Variants in MAN1A1 observed in about 807,000 individuals in gnomAD.
MAN1A1 encodes the protein mannosidase alpha class 1A member 1.
In MAN1A1, 29 loss-of-function variants were observed where a neutral mutation model predicts 70.8. The ratio of observed to expected loss-of-function variants is 0.41; its 90% CI spans 0.31 to 0.56. MAN1A1 has a LOEUF of 0.56. Among genes scored for constraint, MAN1A1 ranks in the 20% least tolerant of loss-of-function variants. MAN1A1 has a pLI of 0.29. For missense variants in MAN1A1, 747 were observed against 841.3 expected (o/e 0.89, Z 1.39); for synonymous variants, 349 against 330.1 (o/e 1.06, Z -0.62).
chr6:119,290,769 GAA>G lies in MAN1A1; in HGVS notation c.817-8_817-7del, dbSNP rs113131653. 6.6e-7 allele frequency: 1 copy of G among 1,504,688 alleles called. No homozygotes were observed. The highest frequency in any genetic ancestry group is 9.1e-7 in the Non-Finnish European group (1 of 1,103,472). The allele number at this position is 1,504,688 out of a possible 1,614,324, so 93.2% of individuals were successfully genotyped here. A position where few individuals can be genotyped will look rare whatever the true frequency, so the allele number is the denominator to read the frequency against. Reference sequence around the variant, plus strand: ...AAGACAGAAATTTCAGCATTCTATGGAAAAAAAAAATTCAAACATGATGATAG... The same window carrying G: ...AAGACAGAAATTTCAGCATTCTATGGAAAAAAAATTCAAACATGATGATAG... On this transcript the variant is annotated splice_region_variant and splice_polypyrimidine_tract_variant and intron_variant, in intron 4 of 12. Transcript: ENST00000368468.
intron 5 of MAN1A1, among the ~76,000 whole-genome samples, chr6:119,268,351 G>C (rs1439865779): frequency 6.6e-6 from 1 of 152,100 alleles, no homozygotes; most frequent in African/African-American, 2.4e-5. Context: ...GGGCTACCCT[G>C]TAACGCCCTG....
chr6:119,235,336 C>A (rs1440495849), intron 6 of MAN1A1, among the ~76,000 whole-genome samples: 1 of 152,222 alleles, frequency 6.6e-6, no homozygotes, highest in Non-Finnish European at 1.5e-5. Context: ...CCAGCGAAAT[C>A]ATGAATGATA....
At chr6:119,336,669 C>T (rs2114501585) in intron 2 of MAN1A1, among the ~76,000 whole-genome samples, 1 of 152,196 alleles carries the variant, frequency 6.6e-6, no homozygotes, top group African/African-American at 2.4e-5. Flanking sequence ...AATATCACAC[C>T]TTCTTAGGGA....
At position 119,348,758 on chromosome 6, in the gene MAN1A1, C is replaced by T. The variant is rs1268133792; in HGVS notation, c.308G>A (p.Arg103Gln). Residue 103 changes from arginine to glutamine, a missense_variant, in exon 2 of 13, where the codon CGG (arginine) becomes CAG (glutamine). Arg to Gln is a conservative substitution (Grantham distance 43). Coordinates refer to ENST00000368468, the MANE Select transcript of MAN1A1 (RefSeq NM_005907.4). ...CCCGGGTGCCCCCTCCTCGCGGCGC[C>T]GGGCTCGCCCCTCGGCCGCGTCCTC... Reference protein sequence around the residue: ...RAEDAAEGRARRREEGAPGDP... With the variant: ...RAEDAAEGRAQRREEGAPGDP... 74 of 1,545,106 alleles carry T rather than the reference C, an allele frequency of 4.8e-5. No individual in the cohort carries two copies. Among genetic ancestry groups the T allele is most frequent in the Non-Finnish European group, 6.3e-5 (72 of 1,149,390 alleles).
chr6:119,289,708 A>G (rs1277309520), intron 5 of MAN1A1, among the ~76,000 whole-genome samples: 1 of 151,964 alleles, frequency 6.6e-6, no homozygotes, highest in East Asian at 1.9e-4. Context: ...ACAGAGAGGA[A>G]ATGTAAGATT....
intron 7 of MAN1A1, among the ~76,000 whole-genome samples, chr6:119,202,741 T>C (rs553548304): frequency 6.6e-6 from 1 of 152,300 alleles, no homozygotes; most frequent in Admixed American, 6.5e-5. Context: ...CTGTCACATA[T>C]GTGGTCCACT....
At chr6:119,228,759 GTTATAA>G (rs1582715211) in intron 6 of MAN1A1, among the ~76,000 whole-genome samples, 2 of 152,110 alleles carry the variant, frequency 1.3e-5, no homozygotes, top group East Asian at 3.9e-4. Context: ...AAAATAAATA[GTTATAA>G]TTATAGTATG....
chr6:119,230,988 T>C (rs1774659638), intron 6 of MAN1A1, among the ~76,000 whole-genome samples: 1 of 152,154 alleles, frequency 6.6e-6, no homozygotes, highest in African/African-American at 2.4e-5. Flanking sequence ...GATGATGACA[T>C]CTTTCACAGA....
Position 119,302,001 on chromosome 6 carries a change from A to G in MAN1A1, c.803T>C (p.Leu268Ser). Residue 268 changes from leucine (L) to serine (S), a missense_variant, in exon 4 of 13, where the codon TTA becomes TCA. Leu to Ser is a moderately radical substitution (Grantham distance 145, BLOSUM62 -2). Transcript: ENST00000368468. ...TATTTAACTTACCACATTAAAATCT[A>G]AATTTTCTTCAACCCATGATTTTGC... Reference protein sequence around the residue: ...EEAKSWVEENLDFNVNAEISV... With the variant: ...EEAKSWVEENSDFNVNAEISV... 1 of 1,561,866 alleles carries G rather than the reference A, an allele frequency of 6.4e-7. No homozygotes were observed. The highest frequency in any genetic ancestry group is 8.8e-7 in the Non-Finnish European group (1 of 1,134,870).
At position 119,348,685 on chromosome 6, in the gene MAN1A1, G is replaced by A. The variant is rs751185135; in HGVS notation, c.381C>T (p.Asn127=). The change falls in exon 2 of 13, where the codon AAC becomes AAT. Residue 127 remains asparagine, a synonymous_variant. Coordinates refer to ENST00000368468, the MANE Select transcript of MAN1A1 (RefSeq NM_005907.4). ...LEDNLARIRE[N]HERALREAKE... Reference sequence around the variant, plus strand: ...TGGCTTCCCTGAGAGCCCGCTCGTGGTTTTCGCGGATCCTGGCCAAGTTGT... The same window carrying A: ...TGGCTTCCCTGAGAGCCCGCTCGTGATTTTCGCGGATCCTGGCCAAGTTGT... 6.2e-7 allele frequency: 1 copy of A among 1,610,748 alleles called. No individual in the cohort carries two copies. Among genetic ancestry groups the A allele is most frequent in the Non-Finnish European group, 8.5e-7 (1 of 1,178,736 alleles).
chr6:119,311,044 ACT>A (rs1352848411), intron 2 of MAN1A1, among the ~76,000 whole-genome samples: 12 of 152,222 alleles, frequency 7.9e-5, no homozygotes, highest in African/African-American at 2.6e-4. Context: ...CGTCAGTGTG[ACT>A]CTAAGCAAGG....
At chr6:119,181,000 T>C (rs567315538) in intron 11 of MAN1A1, among the ~76,000 whole-genome samples, 1 of 152,332 alleles carries the variant, frequency 6.6e-6, no homozygotes, top group East Asian at 1.9e-4. Flanking sequence ...TCACTGATTT[T>C]TACCAATTCC....
At chr6:119,299,891 C>T (rs1772339062) in intron 4 of MAN1A1, among the ~76,000 whole-genome samples, 1 of 152,140 alleles carries the variant, frequency 6.6e-6, no homozygotes, top group Non-Finnish European at 1.5e-5. Flanking sequence ...CTCCACCAAC[C>T]CCAACCTCTG....
intron 5 of MAN1A1, among the ~76,000 whole-genome samples, chr6:119,254,668 A>C (rs1775413015): frequency 6.6e-6 from 1 of 152,184 alleles, no homozygotes; most frequent in Non-Finnish European, 1.5e-5. Context: ...CACTAAAAGA[A>C]AATATGGTTT....
At chr6:119,316,239 G>A (rs944728331) in intron 2 of MAN1A1, among the ~76,000 whole-genome samples, 3 of 147,932 alleles carry the variant, frequency 2.0e-5, no homozygotes, top group Admixed American at 6.8e-5. Flanking sequence ...ATGCAGTGGC[G>A]CGATCTTGGC....
chr6:119,265,415 T>G (rs548014557), intron 5 of MAN1A1, among the ~76,000 whole-genome samples: 6 of 152,132 alleles, frequency 3.9e-5, no homozygotes, highest in African/African-American at 1.4e-4. Context: ...AAATTCTTAA[T>G]AGGGAAATCA....
chr6:119,233,912 A>C (rs1213591252), intron 6 of MAN1A1, among the ~76,000 whole-genome samples: 1 of 152,248 alleles, frequency 6.6e-6, no homozygotes, highest in Non-Finnish European at 1.5e-5. Flanking sequence ...GAATTATTAC[A>C]TTATCACAAT....
At chr6:119,340,873 A>G (rs1562249152) in intron 2 of MAN1A1, among the ~76,000 whole-genome samples, 1 of 152,220 alleles carries the variant, frequency 6.6e-6, no homozygotes, top group Non-Finnish European at 1.5e-5. Context: ...GTAGAGCAAG[A>G]GTGATGAGAA....
chr6:119,278,895 A>C (rs1475865468), intron 5 of MAN1A1, among the ~76,000 whole-genome samples: 2 of 152,124 alleles, frequency 1.3e-5, no homozygotes, highest in Non-Finnish European at 2.9e-5. Flanking sequence ...AAGCTTCCTG[A>C]GGCTTCATGA....
Sources: allele counts gnomAD v4.1 joint callset (sites outside exome capture counted in the v4.1 genomes callset), GRCh38; gene constraint gnomAD v4.1.1; transcripts MANE v1.5; gene names NCBI Gene and HGNC (gene_info 2026-07-23, HGNC 2026-07-21).